Variants in KCNQ1 observed in about 807,000 individuals in gnomAD.
KCNQ1 encodes the protein potassium voltage-gated channel subfamily Q member 1, also known as potassium voltage-gated channel subfamily KQT member 1.
KCNQ1 carries 49 observed loss-of-function variants against 72.4 expected under a neutral mutation model. The ratio of observed to expected loss-of-function variants is 0.68; its 90% CI spans 0.54 to 0.86. The LOEUF is 0.86. Ranked by LOEUF, KCNQ1 falls within the 40% of genes least tolerant of loss-of-function variation. The pLI, the probability that KCNQ1 is intolerant of heterozygous loss-of-function variation, is 0.00. For synonymous variants in KCNQ1, 450 were observed against 412.6 expected (o/e 1.09, Z -1.10); for missense variants, 790 against 945.1 (o/e 0.84, Z 2.15).
Position 2,824,327 on chromosome 11 carries a change from T to A in KCNQ1, c.1795-23440T>A, listed in dbSNP as rs1320918310. Among the ~76,000 whole-genome samples, 1 of 151,782 alleles carries A rather than the reference T, an allele frequency of 6.6e-6. No homozygotes were observed. Among genetic ancestry groups the A allele is most frequent in the Non-Finnish European group, 1.5e-5 (1 of 67,952 alleles). On this transcript the variant is annotated intron_variant, in intron 15 of 15. Transcript: ENST00000155840. This position sits in a 1 kb window ranked among gnomAD's most constrained non-coding sequence, Gnocchi z 5.9. ...AAAGAAGACAGATACGAGAGGGGAT[T>A]TGGAGACACAATCCCCAGACTTGGG... is the stretch of plus-strand genomic sequence containing the variant.
At chr11:2,638,957 A>G (rs1273744748) in intron 10 of KCNQ1, 1 of 152,012 alleles carries the variant, frequency 6.6e-6, no homozygotes, top group Non-Finnish European at 1.5e-5. Flanking sequence ...ACTTCATTTC[A>G]TTCATTTGAT....
intron 2 of KCNQ1, among the ~76,000 whole-genome samples, chr11:2,561,289 G>C (rs1848162972): frequency 6.6e-6 from 1 of 152,232 alleles, no homozygotes; most frequent in South Asian, 2.1e-4. Context: ...AGGAAGGCCA[G>C]GTGACGTGGA....
intron 11 of KCNQ1, among the ~76,000 whole-genome samples, chr11:2,754,669 C>T (rs1341059136): frequency 6.6e-6 from 1 of 152,140 alleles, no homozygotes; most frequent in Admixed American, 6.5e-5. Context: ...GAGTTGGGCC[C>T]CCACCTCATG....
At position 2,611,365 on chromosome 11, in the gene KCNQ1, A is replaced by G. The variant is rs1848977787; in HGVS notation, c.1393+22511A>G. ...ATCCCAAGTAGCTGGGACTACAGGC[A>G]TTTGCCACCATACCCAGCTAATTTT... is the stretch of plus-strand genomic sequence containing the variant. On this transcript the variant is annotated intron_variant, in intron 10 of 15. Coordinates refer to ENST00000155840, the MANE Select transcript of KCNQ1 (RefSeq NM_000218.3). The surrounding 1 kb of genome is among the most constrained non-coding windows in gnomAD (Gnocchi z 5.3). 7.6e-6 allele frequency: 3 copies of G among 397,166 alleles called. No individual in the cohort carries two copies. Among genetic ancestry groups the G allele is most frequent in the Non-Finnish European group, 4.4e-6 (1 of 225,834 alleles). 24.6% of individuals were successfully genotyped at this position (397,166 alleles called of 1,614,324 possible). A position where few individuals can be genotyped will look rare whatever the true frequency, so the allele number is the denominator to read the frequency against.
intron 11 of KCNQ1, chr11:2,684,902 G>A (rs1850457632): frequency 5.0e-6 from 2 of 398,550 alleles, no homozygotes; most frequent in Admixed American, 4.4e-5. Context: ...TACATCATAA[G>A]GTAGGTAAGT....
rs1484117742 is a variant in KCNQ1, at chr11:2,503,683, A to C, written c.387-24245A>C. Reference sequence around the variant, plus strand: ...TGTGCACATGTACCCTAAAACTTAAAGTATAATAATAATAAAAAAACAAAT... The same window carrying C: ...TGTGCACATGTACCCTAAAACTTAACGTATAATAATAATAAAAAAACAAAT... On this transcript the variant is annotated intron_variant, in intron 1 of 15. Coordinates refer to ENST00000155840, the MANE Select transcript of KCNQ1 (RefSeq NM_000218.3). 6.6e-5 allele frequency among the ~76,000 whole-genome samples: 10 copies of C among 150,800 alleles called. No homozygotes were observed. In the East Asian group the frequency reaches 1.9e-3, roughly 29 times the overall value.
intron 11 of KCNQ1, chr11:2,665,987 G>T: frequency 1.0e-5 from 4 of 398,642 alleles, no homozygotes; most frequent in Non-Finnish European, 4.4e-6. Flanking sequence ...AGCCAGCCAG[G>T]ACTGGCCTGG....
chr11:2,645,324 G>A lies in KCNQ1; in HGVS notation c.1394-16637G>A, dbSNP rs1454516161. On this transcript the variant is annotated intron_variant, in intron 10 of 15. Coordinates refer to ENST00000155840, the MANE Select transcript of KCNQ1 (RefSeq NM_000218.3). The surrounding 1 kb of genome is among the most constrained non-coding windows in gnomAD (Gnocchi z 5.8). Reference sequence around the variant, plus strand: ...CTCAGGTGCCAACAATACTGGATAGGGCAGGGTGATCCCTAGGCCCAGAGA... The same window carrying A: ...CTCAGGTGCCAACAATACTGGATAGAGCAGGGTGATCCCTAGGCCCAGAGA... The A allele has an allele frequency of 5.0e-6, 2 of 398,600 alleles. No individual in the cohort carries two copies. The highest frequency in any genetic ancestry group is 3.6e-5 in the East Asian group (1 of 28,074). The allele number at this position is 398,600 out of a possible 1,614,324, so 24.7% of individuals were successfully genotyped here. A position where few individuals can be genotyped will look rare whatever the true frequency, so the allele number is the denominator to read the frequency against.
chr11:2,609,717 A>G (rs2133788983), intron 10 of KCNQ1: 1 of 398,342 alleles, frequency 2.5e-6, no homozygotes, highest in East Asian at 3.6e-5. Flanking sequence ...TTAGGTGAAT[A>G]TATGTTTATA....
At chr11:2,660,578 G>T (rs1187817703) in intron 10 of KCNQ1, 1 of 398,548 alleles carries the variant, frequency 2.5e-6, no homozygotes, top group South Asian at 1.3e-4. Flanking sequence ...ACATGAACAG[G>T]CAATTCTGCA....
At chr11:2,843,543 C>A (rs922888281) in intron 15 of KCNQ1, among the ~76,000 whole-genome samples, 3 of 152,258 alleles carry the variant, frequency 2.0e-5, no homozygotes, top group African/African-American at 7.2e-5. Flanking sequence ...GAGAACAGGA[C>A]CCCCACCCTG....
Position 2,537,535 on chromosome 11 carries a change from T to G in KCNQ1, c.477+9517T>G, listed in dbSNP as rs1014039943. Among the ~76,000 whole-genome samples the G allele has an allele frequency of 1.3e-5, 2 of 151,986 alleles. No homozygotes were observed. The highest frequency in any genetic ancestry group is 2.9e-5 in the Non-Finnish European group (2 of 68,012). On this transcript the variant is annotated intron_variant, in intron 2 of 15. Coordinates refer to ENST00000155840, the MANE Select transcript of KCNQ1 (RefSeq NM_000218.3). The surrounding 1 kb of genome is among the most constrained non-coding windows in gnomAD (Gnocchi z 5.2). ...GGCGCAGGGCCTTTTGGTTCCACAG[T>G]CTGTGTCTTTCTTCCTGGGTGTCTG... is the stretch of plus-strand genomic sequence containing the variant.
chr11:2,635,243 T>G (rs1849442990), intron 10 of KCNQ1: 1 of 152,232 alleles, frequency 6.6e-6, no homozygotes. Context: ...GTTTTAGACA[T>G]GAAGTCCTTG....
rs1851041968 is a variant in KCNQ1 at position 2,713,621 on chromosome 11, G to C, written c.1514+51540G>C. Among the ~76,000 whole-genome samples, 1 of 152,202 alleles carries C rather than the reference G, an allele frequency of 6.6e-6. No individual in the cohort carries two copies. The highest frequency in any genetic ancestry group is 1.9e-4 in the East Asian group (1 of 5,182). On this transcript the variant is annotated intron_variant, in intron 11 of 15. Transcript: ENST00000155840. This position sits in a 1 kb window ranked among gnomAD's most constrained non-coding sequence, Gnocchi z 5.6. Reference sequence around the variant, plus strand: ...CCCACCCAGCAAGAGAAAAAAGTGAGCTGACATTATGGGTCGGCCCCTGTT... The same window carrying C: ...CCCACCCAGCAAGAGAAAAAAGTGACCTGACATTATGGGTCGGCCCCTGTT...
rs1847139569 is a variant in KCNQ1, at chr11:2,508,335, G to A, written c.387-19593G>A. 6.6e-6 allele frequency among the ~76,000 whole-genome samples: 1 copy of A among 152,196 alleles called. No homozygotes were observed. The highest frequency in any genetic ancestry group is 2.1e-4 in the South Asian group (1 of 4,836). ...GTCTTGGAAAGACTTTAGGCCAGGA[G>A]CCCATCATTGTCCTGGAACCTGGGC... On this transcript the variant is annotated intron_variant, in intron 1 of 15. Transcript: ENST00000155840. The surrounding 1 kb of genome is among the most constrained non-coding windows in gnomAD (Gnocchi z 6.2).
chr11:2,845,619 G>A (rs886851192), intron 15 of KCNQ1, among the ~76,000 whole-genome samples: 21 of 152,184 alleles, frequency 1.4e-4, no homozygotes, highest in African/African-American at 4.3e-4. Flanking sequence ...GTCAGACCTC[G>A]GATGTACACC....
In KCNQ1 at chr11:2,588,526, G is replaced by A. The variant is rs914165848; in HGVS notation, c.1252-187G>A. ...GCAGCACCTGGGCCAAGCCCCCCACGTGACCCCCAGCAGCCCTGCCCTGTC... is the reference window on the plus strand; with the variant it reads ...GCAGCACCTGGGCCAAGCCCCCCACATGACCCCCAGCAGCCCTGCCCTGTC... On this transcript the variant is annotated intron_variant, in intron 9 of 15. Transcript: ENST00000155840. This position sits in a 1 kb window ranked among gnomAD's most constrained non-coding sequence, Gnocchi z 5.6. 7.2e-5 allele frequency among the ~76,000 whole-genome samples: 11 copies of A among 152,248 alleles called. No individual in the cohort carries two copies. Among genetic ancestry groups the A allele is most frequent in the South Asian group, 6.2e-4 (3 of 4,818 alleles).
At position 2,445,362 on chromosome 11, in the gene KCNQ1, C is replaced by G. The variant is rs1274289763; in HGVS notation, c.264C>G (p.Asp88Glu). ...GCCCGCGGCCGCCGGTGAGCCTAGA[C>G]CCGCGCGTCTCCATCTACAGCACGC... ...DLGPRPPVSL[D>E]PRVSIYSTRR... Residue 88 changes from aspartate to glutamate, a missense_variant, in exon 1 of 16, where the codon GAC (aspartate) becomes GAG (glutamate). By Grantham distance (45) the Asp-to-Glu change is conservative. This residue lies in a region of KCNQ1 where 294 missense variants were observed against 323.3 expected (regional missense o/e 0.91). Transcript: ENST00000155840. 2.5e-6 allele frequency: 4 copies of G among 1,597,286 alleles called. No homozygotes were observed. In the South Asian group the frequency reaches 4.4e-5, roughly 18 times the overall value.
In KCNQ1 at chr11:2,624,487, C is replaced by T. The variant is rs901567131; in HGVS notation, c.1393+35633C>T. 2.5e-6 allele frequency: 1 copy of T among 398,372 alleles called. No homozygotes were observed. Among genetic ancestry groups the T allele is most frequent in the African/African-American group, 2.1e-5 (1 of 48,624 alleles). 24.7% of individuals were successfully genotyped at this position (398,372 alleles called of 1,614,324 possible). On this transcript the variant is annotated intron_variant, in intron 10 of 15. Transcript: ENST00000155840. The surrounding 1 kb of genome is among the most constrained non-coding windows in gnomAD (Gnocchi z 4.9). The stretch of plus-strand genomic sequence containing the variant: ...TTTGGTGTCATATCTAAAAAGCCAT[C>T]ACCAAACTAAAGATCATCTAGATTT...
Sources: allele counts gnomAD v4.1 joint callset (sites outside exome capture counted in the v4.1 genomes callset), GRCh38; gene constraint gnomAD v4.1.1; regional missense constraint gnomAD v4.1.1; non-coding constraint Gnocchi (gnomAD v3.1); transcripts MANE v1.5; gene names NCBI Gene and HGNC (gene_info 2026-07-23, HGNC 2026-07-21).